The following GBA1 variants were observed in gnomAD, a reference collection of about 807,000 sequenced individuals.
GBA1 encodes glucosylceramidase beta 1, also known as lysosomal acid glucosylceramidase.
chr1:155,239,482 G>A, the GBA1 span: 1 of 955,130 alleles, frequency 1.0e-6, no homozygotes, highest in Non-Finnish European at 1.6e-6. Flanking sequence ...TGTGAGGGGA[G>A]ATCACACCAC....
the GBA1 span, chr1:155,241,283 A>C: frequency 1.3e-5 from 9 of 682,978 alleles, no homozygotes; most frequent in Non-Finnish European, 2.4e-5. Context: ...TGTGATGACT[A>C]GGAGCGTCAC....
the GBA1 span, chr1:155,239,946 G>A: frequency 5.9e-5 from 95 of 1,613,990 alleles, no homozygotes; most frequent in African/African-American, 4.0e-5. Context: ...CGCCCACTGC[G>A]TGTACTCTCA....
the GBA1 span, chr1:155,240,747 G>A: frequency 6.3e-7 from 1 of 1,584,424 alleles, no homozygotes. Flanking sequence ...TGACTGAAAA[G>A]CAAGCCCCTC....
chr1:155,236,927 C>T, the GBA1 span, among the ~76,000 whole-genome samples: 4 of 152,060 alleles, frequency 2.6e-5, no homozygotes, highest in African/African-American at 7.2e-5. Context: ...TGCAGTGGCG[C>T]GATCTCGGCT....
chr1:155,239,522 AGAGT>A, the GBA1 span: 1 of 1,340,916 alleles, frequency 7.5e-7, no homozygotes, highest in Non-Finnish European at 1.0e-6. Flanking sequence ...CAGAATGGGC[AGAGT>A]GAGATTCTGC....
chr1:155,236,773 GTA>G, the GBA1 span, among the ~76,000 whole-genome samples: 10 of 151,596 alleles, frequency 6.6e-5, no homozygotes, highest in African/African-American at 2.4e-4. Flanking sequence ...GTGTGTGTAT[GTA>G]TGTGTGTGTG....
the GBA1 span, among the ~76,000 whole-genome samples, chr1:155,236,781 G>A: frequency 4.6e-5 from 7 of 151,868 alleles, no homozygotes; most frequent in South Asian, 1.5e-3. Context: ...ATGTATGTGT[G>A]TGTGTGTATA....
At chr1:155,236,785 G>T in the GBA1 span, among the ~76,000 whole-genome samples, 1 of 151,876 alleles carries the variant, frequency 6.6e-6, no homozygotes, top group African/African-American at 2.4e-5. Context: ...ATGTGTGTGT[G>T]TGTATATATA....
the GBA1 span, chr1:155,240,378 C>T: frequency 3.1e-5 from 19 of 604,322 alleles, no homozygotes; most frequent in Admixed American, 1.2e-4. Context: ...GCAAGAGAAT[C>T]GCTTGAATCT....
At chr1:155,239,332 C>T in the GBA1 span, among the ~76,000 whole-genome samples, 1 of 152,042 alleles carries the variant, frequency 6.6e-6, no homozygotes, top group African/African-American at 2.4e-5. Flanking sequence ...GAGTTTAAGA[C>T]TAGCCTGGTC....
At chr1:155,242,760 T>G in the GBA1 span, among the ~76,000 whole-genome samples, 1 of 151,756 alleles carries the variant, frequency 6.6e-6, no homozygotes, top group Non-Finnish European at 1.5e-5. Context: ...GCCCAGCTAA[T>G]TTTTGTATTT....
chr1:155,236,171 T>C, the GBA1 span: 1 of 1,302,886 alleles, frequency 7.7e-7, no homozygotes, highest in Non-Finnish European at 1.1e-6. Flanking sequence ...CAGGAAGGGC[T>C]TCTGTCAGTC....
At chr1:155,238,719 T>C in the GBA1 span, 5 of 1,609,460 alleles carry the variant, frequency 3.1e-6, no homozygotes, top group South Asian at 1.1e-5. Flanking sequence ...TGCTTATCAC[T>C]TGCCAGTCCT....
the GBA1 span, chr1:155,240,634 T>C: frequency 1.2e-6 from 2 of 1,613,218 alleles, no homozygotes; most frequent in South Asian, 2.2e-5. Flanking sequence ...ACTCACCTGA[T>C]GCCCACGACA....
the GBA1 span, chr1:155,241,410 T>G: frequency 2.0e-6 from 1 of 508,412 alleles, no homozygotes; most frequent in East Asian, 3.3e-5. Context: ...GGTGACAACT[T>G]TAGGAAGAGC....
At chr1:155,238,880 A>G in the GBA1 span, 1 of 605,026 alleles carries the variant, frequency 1.7e-6, no homozygotes, top group South Asian at 1.9e-5. Flanking sequence ...ACAGGGCATT[A>G]AAACAGGAAC....
At chr1:155,236,185 G>T in the GBA1 span, 1 of 1,416,726 alleles carries the variant, frequency 7.1e-7, no homozygotes, top group Non-Finnish European at 9.9e-7. Context: ...GTCAGTCTTT[G>T]GTGAAACTAG....
At chr1:155,241,799 G>A in the GBA1 span, among the ~76,000 whole-genome samples, 1 of 152,224 alleles carries the variant, frequency 6.6e-6, no homozygotes, top group Non-Finnish European at 1.5e-5. Flanking sequence ...CAGGGCACAA[G>A]AGGGTGGGAC....
the GBA1 span, among the ~76,000 whole-genome samples, chr1:155,243,850 G>GC: frequency 6.6e-6 from 1 of 151,594 alleles, no homozygotes; most frequent in Non-Finnish European, 1.5e-5. Context: ...TCGGTTCACT[G>GC]CAACCTCCGC....
Sources: gnomAD v4.1 joint callset for allele counts (sites outside exome capture counted in the v4.1 genomes callset) on GRCh38, gnomAD v4.1.1 for gene constraint, MANE v1.5 for transcripts, NCBI Gene and HGNC (gene_info 2026-07-23, HGNC 2026-07-21) for gene names.